Variants in LRRTM4 observed in about 807,000 individuals in gnomAD.
LRRTM4 encodes the protein leucine rich repeat transmembrane neuronal 4, also known as leucine-rich repeat transmembrane neuronal protein 4.
LRRTM4 carries 25 observed loss-of-function variants against 47.6 expected under a neutral mutation model. The ratio of observed to expected loss-of-function variants is 0.53; its 90% CI spans 0.38 to 0.73. The LOEUF (loss-of-function observed/expected upper bound fraction) is 0.73. Among genes scored for constraint, LRRTM4 ranks in the 30% least tolerant of loss-of-function variants. LRRTM4 has a pLI of 0.00. For synonymous variants in LRRTM4, 311 were observed against 269.5 expected (o/e 1.15, Z -1.51); for missense variants, 638 against 713.4 (o/e 0.89, Z 1.20).
chr2:77,375,205 A>G (rs1672789220), intron 3 of LRRTM4, among the ~76,000 whole-genome samples: 1 of 151,746 alleles, frequency 6.6e-6, no homozygotes. Flanking sequence ...TTTAAAATGT[A>G]CTTTGTAAAT....
At chr2:76,809,442 C>T (rs1282809806) in intron 3 of LRRTM4, among the ~76,000 whole-genome samples, 1 of 152,086 alleles carries the variant, frequency 6.6e-6, no homozygotes. Flanking sequence ...TCTTCCATGA[C>T]TCTTCATTTT....
intron 3 of LRRTM4, among the ~76,000 whole-genome samples, chr2:77,188,309 C>T (rs1263448722): frequency 6.6e-6 from 1 of 152,192 alleles, no homozygotes; most frequent in Non-Finnish European, 1.5e-5. Flanking sequence ...GAAAATGATG[C>T]AAAACAAATT....
intron 3 of LRRTM4, among the ~76,000 whole-genome samples, chr2:76,995,340 T>A (rs1359720366): frequency 6.6e-6 from 1 of 152,088 alleles, no homozygotes; most frequent in Non-Finnish European, 1.5e-5. Flanking sequence ...TGCTTGTGAA[T>A]TCTGGTCAAG....
At chr2:77,299,351 ATG>A (rs975164831) in intron 3 of LRRTM4, among the ~76,000 whole-genome samples, 29 of 151,262 alleles carry the variant, frequency 1.9e-4, no homozygotes, top group Non-Finnish European at 2.8e-4. Context: ...ACGTATATAT[ATG>A]TATATATGTG....
intron 3 of LRRTM4, among the ~76,000 whole-genome samples, chr2:77,502,952 AG>A (rs1457239242): frequency 1.3e-5 from 2 of 150,164 alleles, no homozygotes; most frequent in Non-Finnish European, 3.0e-5. Context: ...AAATAAAGCC[AG>A]TGCCGAGAGT....
intron 3 of LRRTM4, among the ~76,000 whole-genome samples, chr2:77,320,712 A>T (rs926533154): frequency 1.3e-4 from 20 of 152,146 alleles, no homozygotes; most frequent in African/African-American, 4.8e-4. Flanking sequence ...TATTATACCT[A>T]TATGAGTTAT....
chr2:77,374,709 C>T (rs1384036805), intron 3 of LRRTM4, among the ~76,000 whole-genome samples: 1 of 151,744 alleles, frequency 6.6e-6, no homozygotes, highest in African/African-American at 2.4e-5. Flanking sequence ...AAATTCTTGA[C>T]TAGAGACCAT....
chr2:77,225,489 A>G (rs1467739238), intron 3 of LRRTM4, among the ~76,000 whole-genome samples: 2 of 151,818 alleles, frequency 1.3e-5, no homozygotes, highest in Non-Finnish European at 2.9e-5. Context: ...AAATGTGTAC[A>G]TATATTAACT....
At chr2:76,992,581 C>G (rs949569036) in intron 3 of LRRTM4, among the ~76,000 whole-genome samples, 20 of 151,406 alleles carry the variant, frequency 1.3e-4, no homozygotes, top group African/African-American at 4.8e-4. Flanking sequence ...GGTAAAAGAT[C>G]TGCACAAAGA....
chr2:77,235,117 G>A (rs949778553), intron 3 of LRRTM4, among the ~76,000 whole-genome samples: 1 of 152,042 alleles, frequency 6.6e-6, no homozygotes, highest in African/African-American at 2.4e-5. Flanking sequence ...CACATTTTCT[G>A]TATCCAATCC....
intron 3 of LRRTM4, among the ~76,000 whole-genome samples, chr2:77,156,638 G>A (rs527823495): frequency 1.3e-5 from 2 of 151,156 alleles, no homozygotes; most frequent in South Asian, 2.1e-4. Flanking sequence ...GCCAACAAAT[G>A]CATTTGAACA....
At chr2:77,520,007 A>AT in intron 2 of LRRTM4, 143 bp from the exon 3 acceptor site, 1 of 1,360,478 alleles carries the variant, frequency 7.4e-7, no homozygotes, top group South Asian at 1.6e-5. Context: ...TTCGAGCATT[A>AT]TTTTCTTCAG....
intron 3 of LRRTM4, among the ~76,000 whole-genome samples, chr2:77,425,378 C>G (rs1020009504): frequency 6.6e-6 from 1 of 152,278 alleles, no homozygotes; most frequent in Admixed American, 6.5e-5. Flanking sequence ...ACTGGATATT[C>G]TCCAACCATC....
chr2:77,519,155 C>T lies in LRRTM4; in HGVS notation c.714G>A (p.Trp238Ter), dbSNP rs760204928. 1 of 1,613,162 alleles carries T rather than the reference C, an allele frequency of 6.2e-7. No homozygotes were observed. Among genetic ancestry groups the T allele is most frequent in the Non-Finnish European group, 8.5e-7 (1 of 1,179,556 alleles). The stretch of plus-strand genomic sequence containing the variant: ...CTTGGCTAATGGAGCGAATCCTGTT[C>T]CATTGTAAGTAAATTGAGCGGAGGT... ...LFNLRSIYLQWNRIRSISQGL... is the reference protein window; with the variant it reads ...LFNLRSIYLQ The change falls in exon 3 of 4, where the codon TGG becomes TGA. Residue 238 changes from tryptophan to a stop codon, truncating the protein, a stop_gained. Transcript: ENST00000409884. LOFTEE classifies it high-confidence loss of function. The surrounding 1 kb of genome is among the most constrained non-coding windows in gnomAD (Gnocchi z 4.6).
chr2:77,508,480 C>T (rs1678860617), intron 3 of LRRTM4, among the ~76,000 whole-genome samples: 1 of 152,148 alleles, frequency 6.6e-6, no homozygotes, highest in South Asian at 2.1e-4. Flanking sequence ...CAAATCCCCT[C>T]ATTGGAATAA....
intron 3 of LRRTM4, among the ~76,000 whole-genome samples, chr2:77,299,308 T>G (rs945991981): frequency 2.7e-5 from 4 of 150,848 alleles, no homozygotes; most frequent in Non-Finnish European, 5.9e-5. Context: ...TATATACACG[T>G]ATATACATAT....
intron 3 of LRRTM4, among the ~76,000 whole-genome samples, chr2:76,793,361 C>A (rs1675080822): frequency 6.6e-6 from 1 of 152,096 alleles, no homozygotes; most frequent in Non-Finnish European, 1.5e-5. Flanking sequence ...CATAGATTTT[C>A]TTGGCCACAA....
intron 3 of LRRTM4, among the ~76,000 whole-genome samples, chr2:77,295,367 C>T (rs1410209206): frequency 1.3e-5 from 2 of 151,908 alleles, no homozygotes; most frequent in Non-Finnish European, 2.9e-5. Context: ...TATATTTTTC[C>T]CTTAAATTAA....
chr2:77,049,122 T>TATATATATATATA (rs34587249), intron 3 of LRRTM4, among the ~76,000 whole-genome samples: 51 of 62,624 alleles, frequency 8.1e-4, no homozygotes, highest in East Asian at 2.9e-3. Flanking sequence ...ATTTCATTTT[T>TATATATATATATA]TATATATATA....
Sources: allele counts gnomAD v4.1 joint callset (sites outside exome capture counted in the v4.1 genomes callset), GRCh38; gene constraint gnomAD v4.1.1; non-coding constraint Gnocchi (gnomAD v3.1); transcripts MANE v1.5; gene names NCBI Gene and HGNC (gene_info 2026-07-23, HGNC 2026-07-21).